The following MPZL1 variants were observed in gnomAD, a reference collection of about 807,000 sequenced individuals.
MPZL1 encodes myelin protein zero like 1, also known as myelin protein zero-like protein 1.
MPZL1 carries 16 observed loss-of-function variants against 29.3 expected under a neutral mutation model. The observed-to-expected ratio is 0.55, with a 90% CI of 0.37 to 0.83. The LOEUF is 0.83. Ranked by LOEUF, MPZL1 falls within the 40% of genes least tolerant of loss-of-function variation. The pLI is 0.00. For synonymous variants in MPZL1, 143 were observed against 132.0 expected, an observed-to-expected ratio of 1.08 and a Z score of -0.57; for missense variants, 279 against 332.9, an observed-to-expected ratio of 0.84 and a Z score of 1.26.
chr1:167,755,214 A>T (rs762884406), intron 1 of MPZL1, among the ~76,000 whole-genome samples: 4 of 152,162 alleles, frequency 2.6e-5, no homozygotes, highest in Non-Finnish European at 4.4e-5. Context: ...ATTTTGGAGG[A>T]GAGGAATATA....
At chr1:167,783,081 A>G (rs1661526746) in intron 5 of MPZL1, among the ~76,000 whole-genome samples, 1 of 152,220 alleles carries the variant, frequency 6.6e-6, no homozygotes, top group African/African-American at 2.4e-5. Context: ...CCCAGTTGGA[A>G]ATCATTTTCC....
intron 1 of MPZL1, among the ~76,000 whole-genome samples, chr1:167,764,030 A>G (rs1411589498): frequency 1.3e-5 from 2 of 152,170 alleles, no homozygotes; most frequent in African/African-American, 2.4e-5. Context: ...AATTCTGAAA[A>G]TGACCATCAG....
intron 2 of MPZL1, among the ~76,000 whole-genome samples, chr1:167,769,041 C>G (rs1661186040): frequency 6.6e-6 from 1 of 152,182 alleles, no homozygotes; most frequent in African/African-American, 2.4e-5. Flanking sequence ...GCTTTGAAAT[C>G]AGAGCTGAGT....
At chr1:167,728,196 C>T (rs1222113790) in intron 1 of MPZL1, among the ~76,000 whole-genome samples, 6 of 151,858 alleles carry the variant, frequency 4.0e-5, no homozygotes, top group East Asian at 1.9e-4. Context: ...CCTGCCACCA[C>T]GCCTGGCTAA....
chr1:167,733,657 A>ATC (rs1047320250), intron 1 of MPZL1, among the ~76,000 whole-genome samples: 2 of 152,062 alleles, frequency 1.3e-5, no homozygotes, highest in African/African-American at 4.8e-5. Flanking sequence ...AGGCACAAGA[A>ATC]TCGCTTGAAT....
chr1:167,767,791 G>GA (rs1661148182), intron 2 of MPZL1, among the ~76,000 whole-genome samples: 1 of 36,792 alleles, frequency 2.7e-5, no homozygotes, highest in Non-Finnish European at 5.9e-5. Flanking sequence ...TCCCTTTTCT[G>GA]CTTTTTTTTT....
chr1:167,751,954 T>C (rs1558115702), intron 1 of MPZL1, among the ~76,000 whole-genome samples: 1 of 152,224 alleles, frequency 6.6e-6, no homozygotes, highest in African/African-American at 2.4e-5. Flanking sequence ...CCTCCCTTTT[T>C]TGTGTATCTT....
chr1:167,782,678 G>T (rs1269311549), intron 5 of MPZL1, among the ~76,000 whole-genome samples: 1 of 152,156 alleles, frequency 6.6e-6, no homozygotes. Context: ...AAAGGACTTG[G>T]CAGATGTGAT....
chr1:167,741,174 G>T (rs1037423089), intron 1 of MPZL1, among the ~76,000 whole-genome samples: 1 of 148,972 alleles, frequency 6.7e-6, no homozygotes, highest in African/African-American at 2.5e-5. Flanking sequence ...GTGCCACCAC[G>T]CCTGGCTAAT....
At chr1:167,769,462 A>T (rs1319503205) in intron 2 of MPZL1, among the ~76,000 whole-genome samples, 1 of 152,200 alleles carries the variant, frequency 6.6e-6, no homozygotes, top group Non-Finnish European at 1.5e-5. Flanking sequence ...CTCTGCCTGC[A>T]CAACATCCAT....
chr1:167,762,308 G>T (rs1041241402), intron 1 of MPZL1, among the ~76,000 whole-genome samples: 2 of 152,170 alleles, frequency 1.3e-5, no homozygotes, highest in Non-Finnish European at 2.9e-5. Context: ...AGAAGCCCTG[G>T]TTTAGGGTAT....
At chr1:167,743,791 T>C (rs1041181680) in intron 1 of MPZL1, among the ~76,000 whole-genome samples, 1 of 152,114 alleles carries the variant, frequency 6.6e-6, no homozygotes, top group African/African-American at 2.4e-5. Flanking sequence ...TTTTATCAGT[T>C]CTGGGAGCTT....
intron 1 of MPZL1, among the ~76,000 whole-genome samples, chr1:167,755,956 A>G (rs1259954346): frequency 6.6e-6 from 1 of 152,188 alleles, no homozygotes; most frequent in Admixed American, 6.5e-5. Flanking sequence ...AAGAAATCCC[A>G]GGGCTTTAGA....
chr1:167,773,522 G>A (rs566729227), intron 4 of MPZL1, 154 bp downstream of exon 4: 1 of 828,028 alleles, frequency 1.2e-6, no homozygotes, highest in African/African-American at 1.8e-5. Flanking sequence ...GTTCTAACAT[G>A]GGCAAGTGGA....
At chr1:167,747,525 C>A (rs1037643923) in intron 1 of MPZL1, among the ~76,000 whole-genome samples, 3 of 152,082 alleles carry the variant, frequency 2.0e-5, no homozygotes, top group Non-Finnish European at 4.4e-5. Context: ...TTTTATTTCA[C>A]GTTTAAATAA....
In MPZL1 at chr1:167,791,210, C is replaced by T. The variant is rs986840094; in HGVS notation, c.*3289C>T. 2 of 152,266 alleles carry T rather than the reference C, an allele frequency of 1.3e-5. No homozygotes were observed. Among genetic ancestry groups the T allele is most frequent in the African/African-American group, 4.8e-5 (2 of 41,462 alleles). 9.4% of individuals were successfully genotyped at this position (152,266 alleles called of 1,614,324 possible). On this transcript the variant is annotated 3_prime_UTR_variant, in exon 6 of 6. Transcript: ENST00000359523. ...AACATAGTTAACAAGAGACCAGAAC[C>T]TTGCTGTTTTGTTCACTGCTCCGTC...
At chr1:167,759,604 T>A (rs948338666) in intron 1 of MPZL1, among the ~76,000 whole-genome samples, 2 of 152,206 alleles carry the variant, frequency 1.3e-5, no homozygotes, top group African/African-American at 2.4e-5. Context: ...AAAAGTTAAT[T>A]TGGATTTTAG....
chr1:167,783,796 A>G (rs10489199), intron 5 of MPZL1, among the ~76,000 whole-genome samples: 65,317 of 152,040 alleles, frequency 0.43, 14,457 homozygotes, highest in Non-Finnish European at 0.49. Context: ...ATTTATCTCA[A>G]AGAAAGTCAT....
intron 1 of MPZL1, among the ~76,000 whole-genome samples, chr1:167,722,573 T>G (rs988828583): frequency 5.3e-5 from 8 of 151,888 alleles, no homozygotes; most frequent in African/African-American, 1.9e-4. Context: ...CGGCGCACCC[T>G]GCCCTCTCCT....
Sources: allele counts gnomAD v4.1 joint callset (sites outside exome capture counted in the v4.1 genomes callset), GRCh38; gene constraint gnomAD v4.1.1; transcripts MANE v1.5; gene names NCBI Gene and HGNC (gene_info 2026-07-23, HGNC 2026-07-21).